CHLSN: variants seen among roughly 807,000 people sequenced by gnomAD.
The protein encoded by CHLSN is cholesin, also known as protein cholesin.
chr7:1,065,440 A>G, the CHLSN span, among the ~76,000 whole-genome samples: 1 of 152,274 alleles, frequency 6.6e-6, no homozygotes, highest in South Asian at 2.1e-4. Context: ...GTGGACAGAT[A>G]AACAGATGTG....
At chr7:1,137,041 A>C in the CHLSN span, among the ~76,000 whole-genome samples, 1 of 151,972 alleles carries the variant, frequency 6.6e-6, no homozygotes, top group South Asian at 2.1e-4. Context: ...CACTCAAAAA[A>C]CTTCCCAAGC....
At chr7:1,047,686 G>A in the CHLSN span, among the ~76,000 whole-genome samples, 41 of 152,260 alleles carry the variant, frequency 2.7e-4, no homozygotes, top group African/African-American at 9.4e-4. Context: ...GGAGCTGGCC[G>A]TGGCCTTTCC....
chr7:1,108,974 G>A, the CHLSN span, among the ~76,000 whole-genome samples: 1 of 145,886 alleles, frequency 6.9e-6, no homozygotes, highest in East Asian at 2.0e-4. Flanking sequence ...TCGGCTCACT[G>A]CAACTCTGCT....
At chr7:1,096,824 G>A in the CHLSN span, among the ~76,000 whole-genome samples, 6 of 152,224 alleles carry the variant, frequency 3.9e-5, no homozygotes, top group East Asian at 1.9e-4. This position sits in a 1 kb window ranked among gnomAD's most constrained non-coding sequence, Gnocchi z 4.6. Context: ...AGTGAGAAGC[G>A]GCAGCGGTGG....
the CHLSN span, among the ~76,000 whole-genome samples, chr7:1,110,206 G>A: frequency 6.6e-6 from 1 of 152,162 alleles, no homozygotes; most frequent in African/African-American, 2.4e-5. Context: ...CCACGCAGCC[G>A]CTCCTAGCTT....
the CHLSN span, among the ~76,000 whole-genome samples, chr7:1,032,564 C>T: frequency 6.6e-6 from 1 of 150,912 alleles, no homozygotes; most frequent in Non-Finnish European, 1.5e-5. Context: ...CCGCAGCCAC[C>T]CGCCCACACC....
At chr7:1,011,865 T>C in the CHLSN span, among the ~76,000 whole-genome samples, 3 of 152,030 alleles carry the variant, frequency 2.0e-5, no homozygotes, top group Non-Finnish European at 4.4e-5. Context: ...ACAGAGAGGC[T>C]GAAGAGTCCC....
chr7:990,131 C>T, the CHLSN span, among the ~76,000 whole-genome samples: 1 of 5,806 alleles, frequency 1.7e-4, no homozygotes, highest in Non-Finnish European at 4.2e-4. Context: ...GTGAGTGGCG[C>T]GTGTGCTGGG....
the CHLSN span, among the ~76,000 whole-genome samples, chr7:999,108 T>C: frequency 6.6e-6 from 1 of 152,216 alleles, no homozygotes. Flanking sequence ...TACACACATA[T>C]AAATGGCTAA....
the CHLSN span, among the ~76,000 whole-genome samples, chr7:1,098,942 C>A: frequency 6.6e-6 from 1 of 152,208 alleles, no homozygotes; most frequent in African/African-American, 2.4e-5. Context: ...TAAAAATCAC[C>A]GAGGTACACA....
At chr7:983,285 C>T in the CHLSN span, 1 of 1,544,146 alleles carries the variant, frequency 6.5e-7, no homozygotes, top group Non-Finnish European at 8.7e-7. Context: ...GCCCAAGACC[C>T]CTCCCCAGCT....
the CHLSN span, among the ~76,000 whole-genome samples, chr7:1,098,615 C>T: frequency 5.8e-3 from 878 of 151,628 alleles, 8 homozygotes; most frequent in African/African-American, 0.02. Flanking sequence ...AAAGCAGACA[C>T]GAGTGGAGCT....
chr7:1,039,577 C>T, the CHLSN span, among the ~76,000 whole-genome samples: 1 of 55,902 alleles, frequency 1.8e-5, no homozygotes, highest in Admixed American at 1.5e-4. Flanking sequence ...CCCGGCCAGC[C>T]GCCCCGTCCG....
At chr7:1,132,113 A>C in the CHLSN span, among the ~76,000 whole-genome samples, 1 of 152,374 alleles carries the variant, frequency 6.6e-6, no homozygotes, top group South Asian at 2.1e-4. Context: ...TTAGAAGAAA[A>C]CACAGGATTA....
the CHLSN span, among the ~76,000 whole-genome samples, chr7:1,095,957 G>A: frequency 1.3e-5 from 2 of 152,356 alleles, no homozygotes; most frequent in East Asian, 3.9e-4. Context: ...AGCAGCGGCA[G>A]CGGGGAGGGC....
the CHLSN span, among the ~76,000 whole-genome samples, chr7:1,038,529 T>G: frequency 1.8e-4 from 14 of 79,830 alleles, no homozygotes; most frequent in African/African-American, 3.1e-4. Context: ...GGGAGGGAGG[T>G]GGGGGGGTCA....
At chr7:1,046,530 C>T in the CHLSN span, among the ~76,000 whole-genome samples, 3 of 152,160 alleles carry the variant, frequency 2.0e-5, no homozygotes, top group Non-Finnish European at 4.4e-5. Context: ...CCCAAGACAC[C>T]ATCCAGGTAG....
At chr7:1,072,465 T>C in the CHLSN span, among the ~76,000 whole-genome samples, 1 of 152,232 alleles carries the variant, frequency 6.6e-6, no homozygotes, top group African/African-American at 2.4e-5. Flanking sequence ...GGAAGGGCTG[T>C]GCGTTCTGCT....
chr7:1,012,505 G>A, the CHLSN span, among the ~76,000 whole-genome samples: 3 of 152,226 alleles, frequency 2.0e-5, no homozygotes, highest in Admixed American at 6.5e-5. Context: ...TGGATGCTGC[G>A]GAAACAGCTT....
Sources: gnomAD v4.1 joint callset for allele counts (sites outside exome capture counted in the v4.1 genomes callset) on GRCh38, gnomAD v4.1.1 for gene constraint, Gnocchi (gnomAD v3.1) non-coding constraint, MANE v1.5 for transcripts, NCBI Gene and HGNC (gene_info 2026-07-23, HGNC 2026-07-21) for gene names.